Variants in FGGY observed in about 807,000 individuals in gnomAD.
FGGY encodes FGGY carbohydrate kinase domain containing.
A neutral mutation model predicts 71.3 loss-of-function variants in FGGY; 72 were observed. The ratio of observed to expected loss-of-function variants is 1.01; its 90% CI spans 0.84 to 1.23. The LOEUF (loss-of-function observed/expected upper bound fraction) is 1.23. Ranked by LOEUF, FGGY falls within the 50% of genes most tolerant of loss-of-function variation. The pLI, the probability that FGGY is intolerant of heterozygous loss-of-function variation, is 0.00. For synonymous variants in FGGY, 251 were observed against 250.3 expected (o/e 1.00, Z -0.02); for missense variants, 668 against 682.3 (o/e 0.98, Z 0.23).
intron 13 of FGGY, among the ~76,000 whole-genome samples, chr1:59,672,795 C>T (rs938565737): frequency 2.6e-5 from 4 of 152,172 alleles, no homozygotes; most frequent in African/African-American, 9.7e-5. Context: ...ACAGTTTTTA[C>T]ACCACAAGTT....
chr1:59,689,848 A>G (rs11580721), intron 14 of FGGY, among the ~76,000 whole-genome samples: 85,606 of 152,010 alleles, frequency 0.56, 25,608 homozygotes, highest in Non-Finnish European at 0.68. Context: ...GGAGCAAGCC[A>G]CTTTCTACCA....
chr1:59,358,609 T>C (rs1408484286), intron 4 of FGGY, among the ~76,000 whole-genome samples: 1 of 152,248 alleles, frequency 6.6e-6, no homozygotes, highest in Non-Finnish European at 1.5e-5. Context: ...TTACTGTCCT[T>C]GCTTTATGAC....
intron 8 of FGGY, among the ~76,000 whole-genome samples, chr1:59,564,382 C>T (rs1449619087): frequency 1.3e-5 from 2 of 152,204 alleles, no homozygotes; most frequent in African/African-American, 4.8e-5. Context: ...GACCATGCTA[C>T]GTTTTTAGAG....
intron 7 of FGGY, among the ~76,000 whole-genome samples, chr1:59,535,741 AT>A (rs199687486): frequency 0.031 from 4,600 of 149,098 alleles, 245 homozygotes; most frequent in African/African-American, 0.11. Flanking sequence ...TACTGGGTAC[AT>A]AACGAAATGA....
intron 8 of FGGY, among the ~76,000 whole-genome samples, chr1:59,571,764 TA>T (rs1375654137): frequency 6.6e-6 from 1 of 152,234 alleles, no homozygotes; most frequent in Admixed American, 6.5e-5. Context: ...TAGACATACT[TA>T]AAATGTAGGA....
At chr1:59,543,081 A>G (rs1275739550) in intron 7 of FGGY, among the ~76,000 whole-genome samples, 1 of 152,166 alleles carries the variant, frequency 6.6e-6, no homozygotes, top group East Asian at 1.9e-4. Context: ...GTCAGTGCAT[A>G]CTTCATGAGA....
intron 6 of FGGY, among the ~76,000 whole-genome samples, chr1:59,474,916 G>C (rs2093184217): frequency 6.6e-6 from 1 of 151,726 alleles, no homozygotes; most frequent in South Asian, 2.1e-4. Flanking sequence ...GCCTCAATTA[G>C]TATATTATGA....
At chr1:59,569,087 A>C (rs1176169576) in intron 8 of FGGY, among the ~76,000 whole-genome samples, 7 of 152,216 alleles carry the variant, frequency 4.6e-5, no homozygotes. Context: ...ATTTATACTT[A>C]AAAATTATGA....
At chr1:59,633,287 G>T (rs1225876627) in intron 10 of FGGY, among the ~76,000 whole-genome samples, 1 of 152,148 alleles carries the variant, frequency 6.6e-6, no homozygotes, top group Non-Finnish European at 1.5e-5. Flanking sequence ...TGAGATTACA[G>T]GTGTGAGCCA....
chr1:59,752,703 T>C (rs1203749244), intron 14 of FGGY, among the ~76,000 whole-genome samples: 1 of 152,212 alleles, frequency 6.6e-6, no homozygotes, highest in African/African-American at 2.4e-5. Flanking sequence ...ACAGTGAGAA[T>C]TGGGTGTTTC....
At chr1:59,515,097 G>A (rs997906521) in intron 7 of FGGY, among the ~76,000 whole-genome samples, 4 of 152,042 alleles carry the variant, frequency 2.6e-5, no homozygotes, top group African/African-American at 9.7e-5. Flanking sequence ...AGCTGGGAGG[G>A]AGGCTGTACC....
chr1:59,363,991 CA>C (rs2056107175), intron 4 of FGGY, among the ~76,000 whole-genome samples: 1 of 152,128 alleles, frequency 6.6e-6, no homozygotes, highest in African/African-American at 2.4e-5. Context: ...TGCACATACC[CA>C]AATAGACTCC....
At chr1:59,429,419 C>A (rs2066946818) in intron 5 of FGGY, among the ~76,000 whole-genome samples, 1 of 152,106 alleles carries the variant, frequency 6.6e-6, no homozygotes, top group Non-Finnish European at 1.5e-5. Flanking sequence ...CAAATCAACT[C>A]AATTCATTTG....
chr1:59,308,177 G>A (rs966266639), intron 1 of FGGY, among the ~76,000 whole-genome samples: 5 of 152,196 alleles, frequency 3.3e-5, no homozygotes, highest in Non-Finnish European at 5.9e-5. Context: ...CCATGTCATG[G>A]AGGAAAATTA....
Position 59,321,620 on chromosome 1 carries a change from C to T in FGGY, c.71C>T (p.Ala24Val). 6.2e-7 allele frequency: 1 copy of T among 1,613,884 alleles called. No homozygotes were observed. Among genetic ancestry groups the T allele is most frequent in the African/African-American group, 1.3e-5 (1 of 75,048 alleles). Reference sequence around the variant, plus strand: ...GACGTTGGAACAGGCAGTGTCCGTGCAGCTCTGGTGGACCAGAGTGGGGTC... The same window carrying T: ...GACGTTGGAACAGGCAGTGTCCGTGTAGCTCTGGTGGACCAGAGTGGGGTC... Reference protein sequence around the residue: ...GVDVGTGSVRAALVDQSGVLL... With the variant: ...GVDVGTGSVRVALVDQSGVLL... Residue 24 changes from alanine to valine, a missense_variant, in exon 2 of 16, where the codon GCA becomes GTA. By Grantham distance (64) the Ala-to-Val change is moderately conservative. Coordinates refer to ENST00000303721, the MANE Select transcript of FGGY (RefSeq NM_018291.5).
chr1:59,591,320 C>T (rs2096431954), intron 8 of FGGY, among the ~76,000 whole-genome samples: 1 of 152,208 alleles, frequency 6.6e-6, no homozygotes. Flanking sequence ...ACATTCCATG[C>T]TCATGGGTAG....
intron 5 of FGGY, among the ~76,000 whole-genome samples, chr1:59,454,516 G>A (rs953332673): frequency 3.3e-5 from 5 of 152,180 alleles, no homozygotes; most frequent in African/African-American, 1.2e-4. Flanking sequence ...ATAGCTCAAT[G>A]TGTTCTGTGA....
chr1:59,428,414 G>A (rs145917478), intron 5 of FGGY, among the ~76,000 whole-genome samples: 257 of 152,322 alleles, frequency 1.7e-3, no homozygotes, highest in African/African-American at 5.4e-3. Flanking sequence ...GAACCGAAGC[G>A]CTGAACTGCC....
chr1:59,549,687 T>C (rs1279830013), intron 7 of FGGY, among the ~76,000 whole-genome samples: 1 of 152,224 alleles, frequency 6.6e-6, no homozygotes, highest in African/African-American at 2.4e-5. Context: ...ATGTTTTTCT[T>C]CTATATAACC....
Sources: allele counts gnomAD v4.1 joint callset (sites outside exome capture counted in the v4.1 genomes callset), GRCh38; gene constraint gnomAD v4.1.1; transcripts MANE v1.5; gene names NCBI Gene and HGNC (gene_info 2026-07-23, HGNC 2026-07-21).